The following GRM5 variants were observed in gnomAD, a reference collection of about 807,000 sequenced individuals.
The protein encoded by GRM5 is metabotropic glutamate receptor 5.
Under a neutral mutation model 83.1 loss-of-function variants are expected in GRM5, and 19 were observed. That is an observed-to-expected ratio of 0.23 (90% confidence interval 0.16 to 0.34). The LOEUF (loss-of-function observed/expected upper bound fraction) is 0.34. Among genes scored for constraint, GRM5 ranks in the 10% least tolerant of loss-of-function variants. The pLI, the probability that GRM5 is intolerant of heterozygous loss-of-function variation, is 1.00. For missense variants in GRM5, 1,160 were observed against 1,588.3 expected, an observed-to-expected ratio of 0.73 and a Z score of 4.58; for synonymous variants, 675 against 633.6, an observed-to-expected ratio of 1.07 and a Z score of -0.98.
At chr11:88,930,099 A>C (rs1937654563) in intron 2 of GRM5, among the ~76,000 whole-genome samples, 2 of 152,122 alleles carry the variant, frequency 1.3e-5, no homozygotes, top group South Asian at 4.1e-4. Flanking sequence ...ATCTGTCTTA[A>C]TGTAAGTAAA....
At chr11:88,768,948 C>T (rs72643319) in intron 3 of GRM5, among the ~76,000 whole-genome samples, 17,200 of 152,038 alleles carry the variant, frequency 0.11, 2,137 homozygotes, top group African/African-American at 0.31. Flanking sequence ...TTGTTTTATG[C>T]TTCCCTTCAA....
At chr11:88,730,763 C>G (rs940987158) in intron 3 of GRM5, among the ~76,000 whole-genome samples, 3 of 152,120 alleles carry the variant, frequency 2.0e-5, no homozygotes, top group African/African-American at 7.2e-5. Flanking sequence ...CAAACGAACA[C>G]ACGAACAGAA....
intron 2 of GRM5, among the ~76,000 whole-genome samples, chr11:88,901,658 T>C (rs949736511): frequency 9.2e-5 from 14 of 152,196 alleles, no homozygotes; most frequent in African/African-American, 3.4e-4. Flanking sequence ...AGTCTTCACA[T>C]TAACTTTTCA....
chr11:88,972,679 TG>T (rs1196446462), intron 2 of GRM5, among the ~76,000 whole-genome samples: 1 of 152,148 alleles, frequency 6.6e-6, no homozygotes, highest in East Asian at 1.9e-4. Flanking sequence ...ATGCCAAATC[TG>T]GTGTGTAAAA....
chr11:88,794,564 G>T (rs1295379335), intron 3 of GRM5, among the ~76,000 whole-genome samples: 1 of 152,180 alleles, frequency 6.6e-6, no homozygotes, highest in African/African-American at 2.4e-5. Flanking sequence ...TGATCAGTTA[G>T]AAATCTATTC....
At chr11:88,847,104 T>G (rs1314441391) in intron 3 of GRM5, among the ~76,000 whole-genome samples, 1 of 152,184 alleles carries the variant, frequency 6.6e-6, no homozygotes, top group Non-Finnish European at 1.5e-5. Flanking sequence ...TGTAAACTTT[T>G]TCTTACAAAC....
chr11:88,685,204 C>T (rs571875978), intron 3 of GRM5, among the ~76,000 whole-genome samples: 1 of 152,250 alleles, frequency 6.6e-6, no homozygotes, highest in Admixed American at 6.5e-5. Flanking sequence ...AGATGAGGAA[C>T]TTGTTGGGAA....
At chr11:88,860,414 CTG>C (rs1944542124) in intron 2 of GRM5, among the ~76,000 whole-genome samples, 1 of 152,126 alleles carries the variant, frequency 6.6e-6, no homozygotes, top group South Asian at 2.1e-4. Flanking sequence ...CTATACGGAG[CTG>C]TGTGTCAATG....
chr11:88,683,783 C>T (rs1940553454), intron 3 of GRM5, among the ~76,000 whole-genome samples: 1 of 152,122 alleles, frequency 6.6e-6, no homozygotes, highest in Non-Finnish European at 1.5e-5. Context: ...TGTCCAGGTA[C>T]TGGCAATATA....
intron 2 of GRM5, among the ~76,000 whole-genome samples, chr11:88,987,011 A>G (rs1420160819): frequency 2.0e-5 from 3 of 151,982 alleles, no homozygotes; most frequent in African/African-American, 7.2e-5. Context: ...AGGAGCCAAG[A>G]TGGCCGAATA....
intron 2 of GRM5, among the ~76,000 whole-genome samples, chr11:88,996,338 T>A (rs1360499887): frequency 1.3e-5 from 2 of 152,238 alleles, no homozygotes; most frequent in Admixed American, 1.3e-4. Flanking sequence ...GTATTTGGTG[T>A]ACTTGGGCTT....
chr11:88,677,902 C>G (rs1220958139), intron 3 of GRM5, among the ~76,000 whole-genome samples: 1 of 151,906 alleles, frequency 6.6e-6, no homozygotes, highest in Admixed American at 6.6e-5. Context: ...AATGCTGTTA[C>G]TATATTCAGA....
intron 2 of GRM5, among the ~76,000 whole-genome samples, chr11:88,900,304 G>C (rs1466768704): frequency 1.3e-5 from 2 of 152,136 alleles, no homozygotes; most frequent in South Asian, 4.1e-4. Flanking sequence ...CATGGCACAA[G>C]CACTCCTATC....
At chr11:88,959,872 T>G (rs189144775) in intron 2 of GRM5, among the ~76,000 whole-genome samples, 1 of 152,352 alleles carries the variant, frequency 6.6e-6, no homozygotes, top group East Asian at 1.9e-4. Context: ...CAAAGTCTTC[T>G]TGACAGAAGA....
intron 4 of GRM5, among the ~76,000 whole-genome samples, chr11:88,618,978 G>A (rs1938561651): frequency 6.6e-6 from 1 of 152,150 alleles, no homozygotes; most frequent in Admixed American, 6.6e-5. Flanking sequence ...GCAGGAAAGG[G>A]CTGCTTTTCC....
intron 2 of GRM5, among the ~76,000 whole-genome samples, chr11:88,993,709 A>C (rs2135053746): frequency 6.6e-6 from 1 of 152,108 alleles, no homozygotes; most frequent in Non-Finnish European, 1.5e-5. Flanking sequence ...TTCTGGTTTT[A>C]TTTCTGGTGT....
chr11:88,672,349 T>C (rs1157973573), intron 3 of GRM5, among the ~76,000 whole-genome samples: 3 of 151,920 alleles, frequency 2.0e-5, no homozygotes, highest in Non-Finnish European at 4.4e-5. Flanking sequence ...AAACATATTA[T>C]ATCTGTCCTA....
At chr11:89,029,849 A>G (rs1317952187) in intron 2 of GRM5, among the ~76,000 whole-genome samples, 2 of 152,224 alleles carry the variant, frequency 1.3e-5, no homozygotes, top group African/African-American at 4.8e-5. Context: ...TTAGCTGGGT[A>G]GTAGACACTA....
rs1284893641 is a variant in GRM5 at position 88,990,712 on chromosome 11, G to A, written c.661+56500C>T. ...GGGATGCAAGGCTGGTTCAATATACGCAAATCAATAAACGTAATCCAGCAT... is the reference window on the plus strand; with the variant it reads ...GGGATGCAAGGCTGGTTCAATATACACAAATCAATAAACGTAATCCAGCAT... On this transcript the variant is annotated intron_variant, in intron 2 of 9. Transcript: ENST00000305447. 6.2e-3 allele frequency among the ~76,000 whole-genome samples: 923 copies of A among 149,848 alleles called. 7 individuals carry two copies. Among genetic ancestry groups the A allele is most frequent in the African/African-American group, 0.021 (867 of 40,540 alleles).
Sources: gnomAD v4.1 joint callset for allele counts (sites outside exome capture counted in the v4.1 genomes callset) on GRCh38, gnomAD v4.1.1 for gene constraint, MANE v1.5 for transcripts, NCBI Gene and HGNC (gene_info 2026-07-23, HGNC 2026-07-21) for gene names.